Variants in PPP3CA observed in about 807,000 individuals in gnomAD.
The protein encoded by PPP3CA is protein phosphatase 3 catalytic subunit alpha, also known as CAM-PRP catalytic subunit.
Under a neutral mutation model 66.5 loss-of-function variants are expected in PPP3CA, and 14 were observed. That is an observed-to-expected ratio of 0.21 (90% CI 0.14 to 0.33). PPP3CA has a LOEUF of 0.33. Among genes scored for constraint, PPP3CA ranks in the 10% least tolerant of loss-of-function variants. PPP3CA has a pLI of 1.00. For missense variants in PPP3CA, 317 were observed against 639.5 expected, an observed-to-expected ratio of 0.50 and a Z score of 5.44; for synonymous variants, 232 against 226.2, an observed-to-expected ratio of 1.03 and a Z score of -0.23.
At chr4:101,228,617 A>T (rs1725856934) in intron 1 of PPP3CA, among the ~76,000 whole-genome samples, 1 of 151,632 alleles carries the variant, frequency 6.6e-6, no homozygotes, top group Admixed American at 6.6e-5. Flanking sequence ...TTTCATAAAA[A>T]AGGGGCTTTT....
At chr4:101,269,109 T>C (rs1441429) in intron 1 of PPP3CA, among the ~76,000 whole-genome samples, 12,514 of 152,224 alleles carry the variant, frequency 0.082, 727 homozygotes, top group East Asian at 0.16. Flanking sequence ...GTCAAGAAGA[T>C]TGAGATCCAC....
At chr4:101,098,236 G>T in intron 5 of PPP3CA, 131 bp downstream of exon 5, 1 of 979,540 alleles carries the variant, frequency 1.0e-6, no homozygotes, top group Non-Finnish European at 1.4e-6. Flanking sequence ...ACACAAAGGA[G>T]CGATTCATGA....
At chr4:101,053,047 C>T (rs79239443) in intron 10 of PPP3CA, among the ~76,000 whole-genome samples, 5,736 of 152,020 alleles carry the variant, frequency 0.038, 196 homozygotes, top group South Asian at 0.16. Context: ...TCAATGAAGG[C>T]AGGGACCATA....
At chr4:101,130,947 C>T (rs555377873) in intron 2 of PPP3CA, among the ~76,000 whole-genome samples, 4 of 152,164 alleles carry the variant, frequency 2.6e-5, no homozygotes, top group African/African-American at 9.6e-5. Flanking sequence ...ATAGACTGGG[C>T]TGGGTGTGGT....
intron 1 of PPP3CA, among the ~76,000 whole-genome samples, chr4:101,222,656 G>C (rs1725662407): frequency 6.6e-6 from 1 of 151,520 alleles, no homozygotes. Context: ...ATGATTCATT[G>C]CACTGATGAA....
At chr4:101,269,057 T>C (rs1727252719) in intron 1 of PPP3CA, among the ~76,000 whole-genome samples, 1 of 152,188 alleles carries the variant, frequency 6.6e-6, no homozygotes, top group South Asian at 2.1e-4. Context: ...TTCATTTTTA[T>C]TGTTATCTTT....
At chr4:101,055,255 G>A (rs1728179029) in intron 10 of PPP3CA, among the ~76,000 whole-genome samples, 1 of 152,044 alleles carries the variant, frequency 6.6e-6, no homozygotes, top group Non-Finnish European at 1.5e-5. Flanking sequence ...ATTTCTGTTA[G>A]CTCTACTTTG....
chr4:101,168,387 G>A (rs1388462358), intron 2 of PPP3CA, among the ~76,000 whole-genome samples: 3 of 152,136 alleles, frequency 2.0e-5, no homozygotes, highest in Non-Finnish European at 4.4e-5. Flanking sequence ...TAGATAACTA[G>A]AAATATGAGA....
intron 1 of PPP3CA, among the ~76,000 whole-genome samples, chr4:101,209,635 T>C (rs1272965063): frequency 6.6e-6 from 1 of 152,210 alleles, no homozygotes; most frequent in Non-Finnish European, 1.5e-5. Context: ...GATGCTGCTA[T>C]ACAAATAAGA....
At chr4:101,234,626 A>T (rs1269719609) in intron 1 of PPP3CA, among the ~76,000 whole-genome samples, 1 of 151,472 alleles carries the variant, frequency 6.6e-6, no homozygotes, top group Non-Finnish European at 1.5e-5. Flanking sequence ...CTTTAGGTTA[A>T]TTAAAGTATC....
At chr4:101,157,769 A>T (rs1723371071) in intron 2 of PPP3CA, among the ~76,000 whole-genome samples, 1 of 150,366 alleles carries the variant, frequency 6.7e-6, no homozygotes, top group Non-Finnish European at 1.5e-5. Flanking sequence ...AGACTGAGGT[A>T]CTCTAATTCC....
intron 3 of PPP3CA, among the ~76,000 whole-genome samples, chr4:101,107,455 G>T (rs1730802512): frequency 6.6e-6 from 1 of 152,080 alleles, no homozygotes; most frequent in Non-Finnish European, 1.5e-5. Context: ...TTATATGCTT[G>T]ACCATACTTG....
intron 1 of PPP3CA, among the ~76,000 whole-genome samples, chr4:101,269,606 ACTG>A (rs935517304): frequency 1.7e-5 from 2 of 115,434 alleles, no homozygotes; most frequent in Admixed American, 8.4e-5. Context: ...GTGTGTTTTA[ACTG>A]CTATGTATCC....
chr4:101,093,593 T>C (rs1055049301), intron 6 of PPP3CA, among the ~76,000 whole-genome samples, 183 bp downstream of exon 6: 1 of 152,186 alleles, frequency 6.6e-6, no homozygotes, highest in East Asian at 1.9e-4. Context: ...TGTATACATA[T>C]CTATTTCACA....
intron 1 of PPP3CA, among the ~76,000 whole-genome samples, chr4:101,234,216 A>T (rs371039188): frequency 1.3e-5 from 2 of 151,840 alleles, no homozygotes; most frequent in Admixed American, 6.6e-5. Flanking sequence ...ATGTGTGCAT[A>T]TATCTTTACA....
chr4:101,109,136 A>G, intron 2 of PPP3CA, 58 bp from the exon 3 acceptor site: 1 of 1,485,666 alleles, frequency 6.7e-7, no homozygotes, highest in Non-Finnish European at 9.1e-7. Context: ...GAATTAAATA[A>G]TAAAATTACA....
At chr4:101,189,023 C>A (rs1370733516) in intron 2 of PPP3CA, among the ~76,000 whole-genome samples, 1 of 152,134 alleles carries the variant, frequency 6.6e-6, no homozygotes, top group East Asian at 1.9e-4. Flanking sequence ...ACAGATTCTT[C>A]TGTAAGAAAC....
At chr4:101,315,421 C>T (rs1007790449) in intron 1 of PPP3CA, among the ~76,000 whole-genome samples, 2 of 152,120 alleles carry the variant, frequency 1.3e-5, no homozygotes, top group African/African-American at 4.8e-5. Flanking sequence ...ATAACTTGCC[C>T]AAGATCACAT....
At chr4:101,046,326 C>T (rs1727765129) in intron 10 of PPP3CA, among the ~76,000 whole-genome samples, 1 of 151,958 alleles carries the variant, frequency 6.6e-6, no homozygotes, top group African/African-American at 2.4e-5. Flanking sequence ...TGTGAAAAAG[C>T]TGCTTTTAAA....
Sources: gnomAD v4.1 joint callset for allele counts (sites outside exome capture counted in the v4.1 genomes callset) on GRCh38, gnomAD v4.1.1 for gene constraint, MANE v1.5 for transcripts, NCBI Gene and HGNC (gene_info 2026-07-23, HGNC 2026-07-21) for gene names.